The following GRM5 variants were observed in gnomAD, a reference collection of about 807,000 sequenced individuals.
GRM5 encodes the protein glutamate metabotropic receptor 5.
A neutral mutation model predicts 83.1 loss-of-function variants in GRM5; 19 were observed. The ratio of observed to expected loss-of-function variants is 0.23; its 90% confidence interval spans 0.16 to 0.34. The LOEUF is 0.34. GRM5 is among the 10% of genes least tolerant of loss of function. The pLI, the probability that GRM5 is intolerant of heterozygous loss-of-function variation, is 1.00. For missense variants in GRM5, 1,160 were observed against 1,588.3 expected (o/e 0.73, Z 4.58); for synonymous variants, 675 against 633.6 (o/e 1.07, Z -0.98).
At chr11:88,564,001 T>C (rs954644570) in intron 8 of GRM5, among the ~76,000 whole-genome samples, 1 of 152,196 alleles carries the variant, frequency 6.6e-6, no homozygotes, top group East Asian at 1.9e-4. Context: ...TTCTAATGAC[T>C]GTGGGTTAAA....
chr11:88,979,319 TTCCAAAATG>T (rs1939448960), intron 2 of GRM5, among the ~76,000 whole-genome samples: 1 of 152,186 alleles, frequency 6.6e-6, no homozygotes, highest in African/African-American at 2.4e-5. Flanking sequence ...GAACTTTTGA[TTCCAAAATG>T]TAAACAAAAT....
chr11:88,992,097 T>C (rs931037329), intron 2 of GRM5, among the ~76,000 whole-genome samples: 41 of 151,782 alleles, frequency 2.7e-4, no homozygotes, highest in Non-Finnish European at 5.0e-4. Context: ...TGGGAGAAAA[T>C]TTTTGCAACC....
At chr11:88,526,445 A>C (rs1941879327) in intron 8 of GRM5, among the ~76,000 whole-genome samples, 1 of 152,236 alleles carries the variant, frequency 6.6e-6, no homozygotes, top group Admixed American at 6.5e-5. Flanking sequence ...AAGCCTCATC[A>C]GTAGAGAATA....
chr11:88,943,653 C>T (rs1184548802), intron 2 of GRM5, among the ~76,000 whole-genome samples: 7 of 151,986 alleles, frequency 4.6e-5, no homozygotes, highest in Non-Finnish European at 1.0e-4. Flanking sequence ...CCTTTCCTTC[C>T]CACCAGCAAC....
intron 8 of GRM5, among the ~76,000 whole-genome samples, chr11:88,554,264 T>A (rs1393266010): frequency 1.3e-5 from 2 of 152,114 alleles, no homozygotes; most frequent in Non-Finnish European, 2.9e-5. Flanking sequence ...CACTTTCAAA[T>A]GTCTCTCCGA....
chr11:88,787,065 G>T (rs1234398288), intron 3 of GRM5, among the ~76,000 whole-genome samples: 3 of 151,848 alleles, frequency 2.0e-5, no homozygotes, highest in Non-Finnish European at 4.4e-5. Flanking sequence ...ACTAATTACA[G>T]ATTGTAGTTA....
At chr11:88,678,399 C>A (rs75338179) in intron 3 of GRM5, among the ~76,000 whole-genome samples, 2 of 152,108 alleles carry the variant, frequency 1.3e-5, no homozygotes, top group African/African-American at 4.8e-5. Context: ...TTGAACTTCA[C>A]CTTATTTGTC....
At chr11:88,647,369 A>AAAG (rs10666890) in intron 4 of GRM5, among the ~76,000 whole-genome samples, 107,228 of 151,542 alleles carry the variant, frequency 0.71, 43,102 homozygotes, top group South Asian at 0.92. Flanking sequence ...CTCCTTAGAA[A>AAAG]AAGAACCAGT....
chr11:88,637,659 G>T (rs974385322), intron 4 of GRM5, among the ~76,000 whole-genome samples: 3 of 146,224 alleles, frequency 2.1e-5, no homozygotes, highest in African/African-American at 7.4e-5. Flanking sequence ...GAAACAACAG[G>T]TGCTGGAGAG....
At chr11:88,814,057 G>C (rs1396984010) in intron 3 of GRM5, among the ~76,000 whole-genome samples, 1 of 152,100 alleles carries the variant, frequency 6.6e-6, no homozygotes, top group African/African-American at 2.4e-5. Flanking sequence ...ATTGGACTCT[G>C]ACTTCTGACC....
chr11:88,515,614 T>TA (rs533799940), intron 9 of GRM5, among the ~76,000 whole-genome samples: 2 of 152,170 alleles, frequency 1.3e-5, no homozygotes, highest in Admixed American at 6.5e-5. Context: ...AAAATAAATT[T>TA]AAAAAAATCT....
chr11:88,670,421 C>T (rs534171992), intron 3 of GRM5, among the ~76,000 whole-genome samples: 1 of 151,770 alleles, frequency 6.6e-6, no homozygotes. Context: ...TTATTTTCAT[C>T]GAAAGACACC....
chr11:88,536,975 C>G (rs984518538), intron 8 of GRM5, among the ~76,000 whole-genome samples: 1 of 152,134 alleles, frequency 6.6e-6, no homozygotes, highest in South Asian at 2.1e-4. Context: ...GATAAGGAAA[C>G]TGGCTCAGAA....
intron 2 of GRM5, among the ~76,000 whole-genome samples, chr11:88,928,446 A>ATG (rs5793360): frequency 0.14 from 20,167 of 144,408 alleles, 1,998 homozygotes; most frequent in East Asian, 0.27. Context: ...AATCTATCAT[A>ATG]TGTGTGTGTG....
In GRM5 at chr11:88,987,161, A is replaced by G. The variant is rs903465521; in HGVS notation, c.661+60051T>C. Among the ~76,000 whole-genome samples the G allele has an allele frequency of 6.6e-5, 10 of 152,204 alleles. No individual in the cohort carries two copies. In the South Asian group the frequency reaches 8.3e-4, roughly 13 times the overall value. On this transcript the variant is annotated intron_variant, in intron 2 of 9. Transcript: ENST00000305447. The stretch of plus-strand genomic sequence containing the variant: ...AGGTCAGTGGGTGCGCGCACCGTGC[A>G]CAAGCCGAAGCAGGGTGAGGCATTG...
chr11:88,982,352 CT>C (rs1212179336), intron 2 of GRM5, among the ~76,000 whole-genome samples: 4 of 152,014 alleles, frequency 2.6e-5, no homozygotes, highest in African/African-American at 4.8e-5. Flanking sequence ...ATATATAAAC[CT>C]TTAGCTTACA....
At chr11:88,785,030 C>G (rs552377938) in intron 3 of GRM5, among the ~76,000 whole-genome samples, 2 of 152,152 alleles carry the variant, frequency 1.3e-5, no homozygotes, top group South Asian at 4.1e-4. Flanking sequence ...GTTTAGCACA[C>G]TATGTTAACG....
intron 2 of GRM5, among the ~76,000 whole-genome samples, chr11:89,026,198 T>C (rs1941126744): frequency 6.6e-6 from 1 of 152,184 alleles, no homozygotes; most frequent in African/African-American, 2.4e-5. Flanking sequence ...AATAAAAATC[T>C]ACTCACTGGG....
chr11:88,639,356 T>A (rs891798802), intron 4 of GRM5, among the ~76,000 whole-genome samples: 2 of 152,174 alleles, frequency 1.3e-5, no homozygotes, highest in African/African-American at 4.8e-5. Flanking sequence ...TAAACTCAAT[T>A]CCATTTTCTC....
Sources: allele counts gnomAD v4.1 joint callset (sites outside exome capture counted in the v4.1 genomes callset), GRCh38; gene constraint gnomAD v4.1.1; transcripts MANE v1.5; gene names NCBI Gene and HGNC (gene_info 2026-07-23, HGNC 2026-07-21).